Variants in ADCY1 observed in about 807,000 individuals in gnomAD.
The protein encoded by ADCY1 is adenylate cyclase type 1.
A neutral mutation model predicts 105.4 loss-of-function variants in ADCY1; 28 were observed. The observed-to-expected ratio is 0.27, with a 90% CI of 0.20 to 0.36. ADCY1 has a LOEUF of 0.36. ADCY1 is among the 10% of genes least tolerant of loss of function. ADCY1 has a pLI of 1.00. For missense variants in ADCY1, 977 were observed against 1,434.2 expected (o/e 0.68, Z 5.15); for synonymous variants, 655 against 623.8 (o/e 1.05, Z -0.75).
At chr7:45,640,559 C>T (rs1051213433) in intron 4 of ADCY1, among the ~76,000 whole-genome samples, 32 of 152,134 alleles carry the variant, frequency 2.1e-4, no homozygotes, top group African/African-American at 7.2e-4. Context: ...AATGTCAGCT[C>T]TGGCTTGTGG....
intron 14 of ADCY1, among the ~76,000 whole-genome samples, chr7:45,694,968 C>A (rs1410909691): frequency 6.6e-6 from 1 of 152,240 alleles, no homozygotes. Context: ...CAACTAGAGA[C>A]TTGAAGAGAC....
chr7:45,579,601 C>T (rs187003728), intron 1 of ADCY1, among the ~76,000 whole-genome samples: 5 of 152,328 alleles, frequency 3.3e-5, no homozygotes, highest in African/African-American at 1.2e-4. Flanking sequence ...CCACTGCCTA[C>T]AGCGACAGGG....
At chr7:45,621,258 G>A (rs1355510821) in intron 3 of ADCY1, among the ~76,000 whole-genome samples, 2 of 152,072 alleles carry the variant, frequency 1.3e-5, no homozygotes, top group Non-Finnish European at 2.9e-5. Flanking sequence ...TAGAGATAGG[G>A]TTTTTCCATG....
At chr7:45,658,565 G>T (rs755072935) in intron 6 of ADCY1, among the ~76,000 whole-genome samples, 1 of 152,220 alleles carries the variant, frequency 6.6e-6, no homozygotes, top group Admixed American at 6.5e-5. Context: ...AACACTGGCT[G>T]CCCCTCAGTG....
At chr7:45,651,027 A>G (rs990332401) in intron 5 of ADCY1, among the ~76,000 whole-genome samples, 1 of 151,962 alleles carries the variant, frequency 6.6e-6, no homozygotes, top group Non-Finnish European at 1.5e-5. Flanking sequence ...TCAGCTCCAC[A>G]TCTCTACCCC....
intron 4 of ADCY1, among the ~76,000 whole-genome samples, chr7:45,626,412 C>G (rs992547462): frequency 6.6e-6 from 1 of 152,124 alleles, no homozygotes; most frequent in African/African-American, 2.4e-5. Context: ...GAGTCAGCCC[C>G]GTGGAGCCTC....
intron 2 of ADCY1, among the ~76,000 whole-genome samples, chr7:45,597,507 T>C (rs1793109591): frequency 6.6e-6 from 1 of 151,298 alleles, no homozygotes; most frequent in Admixed American, 6.6e-5. Context: ...CCCTGGGTGC[T>C]CTGTGCCTAC....
chr7:45,692,293 A>G (rs1468948735), intron 14 of ADCY1, among the ~76,000 whole-genome samples: 2 of 152,204 alleles, frequency 1.3e-5, no homozygotes, highest in African/African-American at 2.4e-5. Context: ...CCTCCATCCA[A>G]CAGGTGCTTA....
chr7:45,661,217 T>C (rs1795094144), intron 7 of ADCY1, among the ~76,000 whole-genome samples: 2 of 152,064 alleles, frequency 1.3e-5, no homozygotes, highest in Admixed American at 1.3e-4. Flanking sequence ...GGTGACAAGA[T>C]AGGTACAGTA....
At chr7:45,648,231 G>T (rs1794714993) in intron 4 of ADCY1, among the ~76,000 whole-genome samples, 1 of 152,238 alleles carries the variant, frequency 6.6e-6, no homozygotes, top group African/African-American at 2.4e-5. Context: ...TTCCTGGGGA[G>T]AAGCAGCTGC....
chr7:45,615,453 G>A (rs1562689686), intron 3 of ADCY1, among the ~76,000 whole-genome samples: 1 of 152,176 alleles, frequency 6.6e-6, no homozygotes, highest in African/African-American at 2.4e-5. Context: ...TTTTAAGTTA[G>A]CCAGGCATGG....
chr7:45,610,782 G>GA (rs1793532899), intron 3 of ADCY1, among the ~76,000 whole-genome samples: 1 of 20,078 alleles, frequency 5.0e-5, no homozygotes, highest in African/African-American at 2.1e-4. Context: ...GGAGGTGTGG[G>GA]GGTGATGGTG....
rs543823070 is a variant in ADCY1 at position 45,607,892 on chromosome 7, C to T, written c.790-2487C>T. Among the ~76,000 whole-genome samples the T allele has an allele frequency of 1.1e-4, 16 of 152,226 alleles. No homozygotes were observed. The South Asian group carries it at 2.3e-3, about 22-fold the overall frequency. On this transcript the variant is annotated intron_variant, in intron 2 of 19. Transcript: ENST00000297323. Reference sequence around the variant, plus strand: ...ATGTCTTTTATTGTAAATAGTGCTGCGATGTACATACACATGTATGTGTCT... The same window carrying T: ...ATGTCTTTTATTGTAAATAGTGCTGTGATGTACATACACATGTATGTGTCT...
intron 8 of ADCY1, among the ~76,000 whole-genome samples, chr7:45,673,317 T>G (rs1342299941): frequency 6.6e-6 from 1 of 152,202 alleles, no homozygotes; most frequent in Non-Finnish European, 1.5e-5. Flanking sequence ...GAAGTGTTGC[T>G]TCCTCTTCTA....
At position 45,708,349 on chromosome 7, in the gene ADCY1, G is replaced by A; in HGVS notation, c.2818-1G>A. On this transcript the variant is annotated splice_acceptor_variant, in intron 17 of 19. Transcript: ENST00000297323. LOFTEE classifies it high-confidence loss of function. The surrounding 1 kb of genome is among the most constrained non-coding windows in gnomAD (Gnocchi z 4.7). Reference sequence around the variant, plus strand: ...TAATGACCCCATCTGTTTACACCTAGGCTAAGAAGTCCATCTCCTCCCACC... The same window carrying A: ...TAATGACCCCATCTGTTTACACCTAAGCTAAGAAGTCCATCTCCTCCCACC... 6.2e-7 allele frequency: 1 copy of A among 1,612,942 alleles called. No individual in the cohort carries two copies. Among genetic ancestry groups the A allele is most frequent in the Middle Eastern group, 1.7e-4 (1 of 6,042 alleles).
intron 17 of ADCY1, among the ~76,000 whole-genome samples, chr7:45,704,856 C>A (rs1785080427): frequency 6.6e-6 from 1 of 151,950 alleles, no homozygotes; most frequent in Admixed American, 6.5e-5. Flanking sequence ...CTAGACACCT[C>A]CCCCTAGAAC....
intron 4 of ADCY1, among the ~76,000 whole-genome samples, chr7:45,630,489 G>A (rs148712446): frequency 7.4e-4 from 112 of 152,240 alleles, no homozygotes; most frequent in African/African-American, 2.6e-3. Context: ...TTTGCAGAAC[G>A]ATACTCCATC....
At chr7:45,655,058 TCTC>T (rs1193729335) in intron 5 of ADCY1, among the ~76,000 whole-genome samples, 1 of 152,212 alleles carries the variant, frequency 6.6e-6, no homozygotes. Flanking sequence ...TGTCCTCTCT[TCTC>T]TTTTTTTCCC....
chr7:45,622,554 G>A, intron 3 of ADCY1, 78 bp from the exon 4 acceptor site: 2 of 1,030,656 alleles, frequency 1.9e-6, no homozygotes, highest in South Asian at 2.6e-5. Flanking sequence ...ATTTGGAGAT[G>A]TAAACATCTG....
Sources: gnomAD v4.1 joint callset for allele counts (sites outside exome capture counted in the v4.1 genomes callset) on GRCh38, gnomAD v4.1.1 for gene constraint, Gnocchi (gnomAD v3.1) non-coding constraint, MANE v1.5 for transcripts, NCBI Gene and HGNC (gene_info 2026-07-23, HGNC 2026-07-21) for gene names.